NFIB: variants seen among roughly 807,000 people sequenced by gnomAD.
NFIB encodes nuclear factor I B.
NFIB carries 11 observed loss-of-function variants against 61.5 expected under a neutral mutation model. The observed-to-expected ratio is 0.18, with a 90% confidence interval of 0.11 to 0.30. The LOEUF (loss-of-function observed/expected upper bound fraction) is 0.30, where lower values mean the gene tolerates loss of function less well. NFIB is among the 10% of genes least tolerant of loss of function. The pLI is 1.00. For missense variants in NFIB, 471 were observed against 608.9 expected (o/e 0.77, Z 2.38); for synonymous variants, 260 against 216.5 (o/e 1.20, Z -1.76).
At chr9:14,139,048 A>G (rs1399627959) in intron 6 of NFIB, among the ~76,000 whole-genome samples, 1 of 152,134 alleles carries the variant, frequency 6.6e-6, no homozygotes, top group African/African-American at 2.4e-5. Flanking sequence ...GCTTTCCAAG[A>G]AAAGTGTCCC....
intron 3 of NFIB, among the ~76,000 whole-genome samples, chr9:14,177,406 T>G (rs935747979): frequency 6.6e-6 from 1 of 152,170 alleles, no homozygotes; most frequent in Non-Finnish European, 1.5e-5. Flanking sequence ...TAGGTTTAAT[T>G]TATTTCGAAG....
chr9:14,356,091 C>T (rs769160548), intron 1 of NFIB, among the ~76,000 whole-genome samples: 18 of 152,100 alleles, frequency 1.2e-4, no homozygotes, highest in Non-Finnish European at 2.1e-4. Context: ...AACTAGTACA[C>T]GTTTTAAATA....
chr9:14,511,300 T>A, the NFIB span, among the ~76,000 whole-genome samples: 1 of 152,106 alleles, frequency 6.6e-6, no homozygotes, highest in Non-Finnish European at 1.5e-5. Context: ...ATTTTTCCCA[T>A]ATTTTTGAGG....
intron 6 of NFIB, among the ~76,000 whole-genome samples, chr9:14,146,419 A>T (rs2042280715): frequency 6.6e-6 from 1 of 152,146 alleles, no homozygotes; most frequent in Non-Finnish European, 1.5e-5. Flanking sequence ...ATGTAGACAG[A>T]CCATAATCAG....
At chr9:14,234,687 G>A (rs1437629893) in intron 2 of NFIB, among the ~76,000 whole-genome samples, 3 of 151,600 alleles carry the variant, frequency 2.0e-5, no homozygotes, top group Non-Finnish European at 4.4e-5. Context: ...CATTTTGTTA[G>A]TTATGCTTTG....
chr9:14,451,489 G>C, the NFIB span, among the ~76,000 whole-genome samples: 3 of 152,010 alleles, frequency 2.0e-5, no homozygotes, highest in African/African-American at 7.2e-5. Flanking sequence ...TAAAATATAA[G>C]GATGTTTAAA....
chr9:14,424,942 G>A, the NFIB span, among the ~76,000 whole-genome samples: 3 of 152,134 alleles, frequency 2.0e-5, no homozygotes, highest in Admixed American at 6.5e-5. Context: ...TGGCAAGAAA[G>A]GGTGGAAAGT....
chr9:14,121,021 G>T (rs1258615235), intron 7 of NFIB, among the ~76,000 whole-genome samples: 3 of 152,148 alleles, frequency 2.0e-5, no homozygotes, highest in Non-Finnish European at 4.4e-5. Context: ...CCAGCACTTT[G>T]GGCGGCTGGG....
At chr9:14,270,057 C>T (rs1338780398) in intron 2 of NFIB, among the ~76,000 whole-genome samples, 3 of 152,138 alleles carry the variant, frequency 2.0e-5, no homozygotes, top group Non-Finnish European at 4.4e-5. Flanking sequence ...TTAACAAGCA[C>T]ACTATAAACA....
At chr9:14,430,255 CTAG>C in the NFIB span, among the ~76,000 whole-genome samples, 1 of 151,986 alleles carries the variant, frequency 6.6e-6, no homozygotes, top group African/African-American at 2.4e-5. Flanking sequence ...TGAACAAACT[CTAG>C]TAGATCACTG....
At chr9:14,257,153 G>T (rs2056296426) in intron 2 of NFIB, among the ~76,000 whole-genome samples, 1 of 152,162 alleles carries the variant, frequency 6.6e-6, no homozygotes, top group Non-Finnish European at 1.5e-5. Context: ...TGGTTAAGTT[G>T]GTTAACACAG....
At chr9:14,482,914 T>A in the NFIB span, among the ~76,000 whole-genome samples, 10 of 152,206 alleles carry the variant, frequency 6.6e-5, no homozygotes, top group African/African-American at 2.4e-4. Flanking sequence ...GTGTGCCAAA[T>A]AATGTGAATT....
chr9:14,424,105 T>A, the NFIB span, among the ~76,000 whole-genome samples: 221 of 152,276 alleles, frequency 1.5e-3, 5 homozygotes, highest in East Asian at 0.034. Context: ...AACCCCCACG[T>A]ACTCTATGCT....
chr9:14,470,605 T>A, the NFIB span, among the ~76,000 whole-genome samples: 21 of 152,076 alleles, frequency 1.4e-4, no homozygotes, highest in African/African-American at 5.1e-4. Flanking sequence ...CAGCAGGGGC[T>A]TGGGATAGGG....
the NFIB span, among the ~76,000 whole-genome samples, chr9:14,482,714 G>A: frequency 6.6e-6 from 1 of 152,122 alleles, no homozygotes; most frequent in East Asian, 1.9e-4. Flanking sequence ...AACCACAACA[G>A]CCTCATTTAA....
intron 2 of NFIB, among the ~76,000 whole-genome samples, chr9:14,191,833 C>A (rs2047985120): frequency 6.6e-6 from 1 of 152,182 alleles, no homozygotes; most frequent in South Asian, 2.1e-4. Flanking sequence ...TTACATATGG[C>A]TAATGTTTAA....
At chr9:14,155,523 A>T (rs2043295963) in intron 4 of NFIB, among the ~76,000 whole-genome samples, 2 of 152,130 alleles carry the variant, frequency 1.3e-5, no homozygotes, top group African/African-American at 4.8e-5. Context: ...AATTAATCAC[A>T]CTTCCTTTGA....
At chr9:14,346,525 A>T (rs1294365101) in intron 1 of NFIB, among the ~76,000 whole-genome samples, 2 of 152,070 alleles carry the variant, frequency 1.3e-5, no homozygotes, top group African/African-American at 4.8e-5. Flanking sequence ...AGTCCACGCC[A>T]CACCGTCGGC....
intron 2 of NFIB, among the ~76,000 whole-genome samples, chr9:14,298,959 T>A (rs926062885): frequency 1.3e-5 from 2 of 152,202 alleles, no homozygotes; most frequent in Non-Finnish European, 2.9e-5. Context: ...AAACAAGGCT[T>A]TTAACATAGC....
Sources: gnomAD v4.1 joint callset for allele counts (sites outside exome capture counted in the v4.1 genomes callset) on GRCh38, gnomAD v4.1.1 for gene constraint, MANE v1.5 for transcripts, NCBI Gene and HGNC (gene_info 2026-07-23, HGNC 2026-07-21) for gene names.